Variants in LPCAT4 observed in about 807,000 individuals in gnomAD.
The protein encoded by LPCAT4 is lysophospholipid acyltransferase LPCAT4.
LPCAT4 carries 30 observed loss-of-function variants against 66.5 expected under a neutral mutation model. That is an observed-to-expected ratio of 0.45 (90% CI 0.34 to 0.61). LPCAT4 has a LOEUF of 0.61. LPCAT4 is among the 20% of genes least tolerant of loss of function. LPCAT4 has a pLI of 0.01. For synonymous variants in LPCAT4, 253 were observed against 262.1 expected (o/e 0.97, Z 0.34); for missense variants, 557 against 656.7 (o/e 0.85, Z 1.66).
Position 34,362,207 on chromosome 15 carries a change from A to G in LPCAT4, c.999T>C (p.Leu333=), listed in dbSNP as rs111446908. 46 of 1,612,994 alleles carry G rather than the reference A, an allele frequency of 2.9e-5. 1 individual carries two copies. In the African/African-American group the frequency reaches 4.4e-4, roughly 16 times the overall value. ...CCAAGACCACTTACCCAGCCTTCCG[A>G]AGCACTTTTCCCAGTTCCCAGAGCT... ...EPQLWELGKV[L]RKAGLSAGYV... Residue 333 remains leucine, a synonymous_variant, in exon 10 of 14, where the codon CTT becomes CTC. Coordinates refer to ENST00000314891, the MANE Select transcript of LPCAT4 (RefSeq NM_153613.3).
rs550078469 is a variant in LPCAT4, at chr15:34,363,427, A to C, written c.741T>G (p.Pro247=). 2 of 1,614,056 alleles carry C rather than the reference A, an allele frequency of 1.2e-6. No individual in the cohort carries two copies. The highest frequency in any genetic ancestry group is 1.3e-5 in the African/African-American group (1 of 75,022). The part of the protein sequence containing the change: ...LDTTSWAWRG[P]GVLKVLWLTA... The stretch of plus-strand genomic sequence containing the variant: ...CCAGGAATACCAGAACTCACACTCC[A>C]GGACCCCTCCATGCCCAGCTGGTGG... Residue 247 remains proline (P), a synonymous_variant, in exon 7 of 14, where the codon CCT becomes CCG. Transcript: ENST00000314891. The surrounding 1 kb of genome is among the most constrained non-coding windows in gnomAD (Gnocchi z 4.3).
intron 3 of LPCAT4, 105 bp from the exon 4 acceptor site, chr15:34,364,411 C>CATT (rs1891021821): frequency 8.9e-6 from 5 of 558,840 alleles, no homozygotes; most frequent in East Asian, 3.1e-5. Context: ...TCTGTTATCT[C>CATT]TTTTTTTTTT....
intron 3 of LPCAT4, 176 bp downstream of exon 3, chr15:34,364,832 C>G (rs574212744): frequency 2.2e-4 from 133 of 607,608 alleles, no homozygotes; most frequent in Admixed American, 7.7e-4. Context: ...CCAACACCTT[C>G]TCTCTGTCCC....
At chr15:34,359,349 A>T in intron 13 of LPCAT4, 47 bp from the exon 14 acceptor site, 4 of 1,452,794 alleles carry the variant, frequency 2.8e-6, no homozygotes, top group Non-Finnish European at 3.6e-6. Context: ...TAAGAACGAG[A>T]AGAGAATCTC....
intron 1 of LPCAT4, among the ~76,000 whole-genome samples, chr15:34,366,480 A>T (rs1891079835): frequency 6.6e-6 from 1 of 151,726 alleles, no homozygotes; most frequent in South Asian, 2.1e-4. Context: ...CCCCACCGGG[A>T]GGTGCTGCAG....
intron 1 of LPCAT4, among the ~76,000 whole-genome samples, chr15:34,366,415 T>C (rs575296608): frequency 6.6e-6 from 1 of 152,098 alleles, no homozygotes; most frequent in Admixed American, 6.5e-5. Context: ...CCAGCTCCCC[T>C]AGGCTGGCGC....
Position 34,367,080 on chromosome 15 carries a change from C to A in LPCAT4, c.21G>T (p.Gly7=), listed in dbSNP as rs1397720849. The A allele has an allele frequency of 1.3e-6, 2 of 1,551,712 alleles. No individual in the cohort carries two copies. The highest frequency in any genetic ancestry group is 1.7e-6 in the Non-Finnish European group (2 of 1,147,884). The change falls in exon 1 of 14, where the codon GGG becomes GGT. Residue 7 remains glycine, a synonymous_variant. Transcript: ENST00000314891. MSQGSP[G]DWAPLDPTPG... ...GGGTGGGATCTAGGGGGGCCCAGTC[C>A]CCCGGACTTCCCTGGCTCATGGCGG...
At position 34,359,016 on chromosome 15, in the gene LPCAT4, A is replaced by C. The variant is rs1890876167; in HGVS notation, c.*111T>G. On this transcript the variant is annotated 3_prime_UTR_variant, in exon 14 of 14. Transcript: ENST00000314891. ...AAAAAATTAAAATCAACTTAAAAAA[A>C]CAACAACCAAACAACAATAACAAAA... is the stretch of plus-strand genomic sequence containing the variant. 1.9e-5 allele frequency: 17 copies of C among 888,952 alleles called. No homozygotes were observed. The highest frequency in any genetic ancestry group is 9.7e-5 in the East Asian group (3 of 31,062). The allele number at this position is 888,952 out of a possible 1,614,324, so 55.1% of individuals were successfully genotyped here.
At position 34,361,250 on chromosome 15, in the gene LPCAT4, C is replaced by T. The variant is rs1456135422; in HGVS notation, c.1143+150G>A. 1.2e-5 allele frequency: 18 copies of T among 1,499,112 alleles called. No homozygotes were observed. The East Asian group carries it at 4.1e-4, about 34-fold the overall frequency. 92.9% of individuals were successfully genotyped at this position (1,499,112 alleles called of 1,614,324 possible). A position where few individuals can be genotyped will look rare whatever the true frequency, so the allele number is the denominator to read the frequency against. On this transcript the variant is annotated intron_variant, in intron 11 of 13. Transcript: ENST00000314891. ...GATGCCTGATTAAAAAATGAATCTT[C>T]AGTGGATCTCAGGGGATGGCCATCT...
At chr15:34,362,862 C>G (rs1890980655) in intron 7 of LPCAT4, 26 bp from the exon 8 acceptor site, 10 of 1,611,422 alleles carry the variant, frequency 6.2e-6, no homozygotes, top group Non-Finnish European at 8.5e-6. Context: ...TTTCGATACT[C>G]ACCAATCTCT....
Position 34,362,552 on chromosome 15 carries a change from AAT to A in LPCAT4, c.884+19_884+20del. On this transcript the variant is annotated intron_variant, in intron 9 of 13. Transcript: ENST00000314891. Reference sequence around the variant, plus strand: ...TTTGCCCTGTGCAACTGCTCCAGGAAATAGTTTGTGGGGCACTCACTGTGCCA... The same window carrying A: ...TTTGCCCTGTGCAACTGCTCCAGGAAAGTTTGTGGGGCACTCACTGTGCCA... The A allele has an allele frequency of 6.5e-7, 1 of 1,533,322 alleles. No individual in the cohort carries two copies. Among genetic ancestry groups the A allele is most frequent in the Non-Finnish European group, 8.8e-7 (1 of 1,139,894 alleles). 95.0% of individuals were successfully genotyped at this position (1,533,322 alleles called of 1,614,324 possible).
Position 34,359,301 on chromosome 15 carries a change from A to T in LPCAT4, c.1401T>A (p.Cys467Ter). 3 of 1,503,026 alleles carry T rather than the reference A, an allele frequency of 2.0e-6. No homozygotes were observed. The highest frequency in any genetic ancestry group is 2.7e-6 in the Non-Finnish European group (3 of 1,127,232). 93.1% of individuals were successfully genotyped at this position (1,503,026 alleles called of 1,614,324 possible). Residue 467 changes from cysteine to a stop codon, truncating the protein, a stop_gained and splice_region_variant, in exon 14 of 14, where the codon TGT (cysteine) becomes TGA (stop). Coordinates refer to ENST00000314891, the MANE Select transcript of LPCAT4 (RefSeq NM_153613.3). LOFTEE classifies it high-confidence loss of function. ...QAGSSQGLSL[C>*]QFQNFSLHDP... The stretch of plus-strand genomic sequence containing the variant: ...CATGGAGGGAGAAGTTCTGGAACTG[A>T]CCTGGACAAATAAGAGATGGGGAAA...
In LPCAT4 at chr15:34,359,271, T is replaced by G; in HGVS notation, c.1431A>C (p.Pro477=). Residue 477 remains proline, a synonymous_variant, in exon 14 of 14, where the codon CCA becomes CCC. Transcript: ENST00000314891. Reference sequence around the variant, plus strand: ...AGGTGCTGAAGAGTTTCCCATAGAGTGGGTCATGGAGGGAGAAGTTCTGGA... The same window carrying G: ...AGGTGCTGAAGAGTTTCCCATAGAGGGGGTCATGGAGGGAGAAGTTCTGGA... ...CQFQNFSLHD[P]LYGKLFSTYL... The G allele has an allele frequency of 6.5e-7, 1 of 1,549,292 alleles. No homozygotes were observed. The highest frequency in any genetic ancestry group is 8.7e-7 in the Non-Finnish European group (1 of 1,146,302).
chr15:34,365,357 T>C, intron 2 of LPCAT4, 129 bp from the exon 3 acceptor site: 2 of 1,187,328 alleles, frequency 1.7e-6, no homozygotes, highest in African/African-American at 1.5e-5. Context: ...GGGGCCAAGG[T>C]CTCTGGCCAC....
rs913245991 is a variant in LPCAT4 at position 34,365,758 on chromosome 15, A to G, written c.115-57T>C. 9 of 1,586,016 alleles carry G rather than the reference A, an allele frequency of 5.7e-6. No individual in the cohort carries two copies. The African/African-American group carries it at 8.1e-5, about 14-fold the overall frequency. On this transcript the variant is annotated intron_variant, in intron 1 of 13. Coordinates refer to ENST00000314891, the MANE Select transcript of LPCAT4 (RefSeq NM_153613.3). ...AGCTTGGATATGCTCCCTCCACAGC[A>G]TCCTTCTTCCACAAAGCATAGACCC...
In LPCAT4 at chr15:34,365,180, G is replaced by C; in HGVS notation, c.306C>G (p.Phe102Leu). ...CGCGAATCCGGAGGAAGCCCAGCAGGAAAAACAGCAGGCGGCTCAGGCCTA... is the reference window on the plus strand; with the variant it reads ...CGCGAATCCGGAGGAAGCCCAGCAGCAAAAACAGCAGGCGGCTCAGGCCTA... ...GVLGLSRLLF[F>L]LLGFLRIRVR... The change falls in exon 3 of 14, where the codon TTC (phenylalanine) becomes TTG (leucine). Residue 102 changes from phenylalanine (F) to leucine (L), a missense_variant. By Grantham distance (22) the Phe-to-Leu change is conservative (BLOSUM62 0). This residue lies in a region of LPCAT4 where 65 missense variants were observed against 83.5 expected (regional missense o/e 0.78). Coordinates refer to ENST00000314891, the MANE Select transcript of LPCAT4 (RefSeq NM_153613.3). 6.2e-7 allele frequency: 1 copy of C among 1,613,984 alleles called. No homozygotes were observed. Among genetic ancestry groups the C allele is most frequent in the Non-Finnish European group, 8.5e-7 (1 of 1,179,940 alleles).
At chr15:34,360,438 T>A (rs568836092) in intron 11 of LPCAT4, among the ~76,000 whole-genome samples, 1 of 152,298 alleles carries the variant, frequency 6.6e-6, no homozygotes, top group Non-Finnish European at 1.5e-5. Flanking sequence ...CATAAAGGGA[T>A]CTCCTAGGAA....
In LPCAT4 at chr15:34,361,433, C is replaced by G; in HGVS notation, c.1110G>C (p.Gln370His). Residue 370 changes from glutamine to histidine, a missense_variant, in exon 11 of 14, where the codon CAG becomes CAC. Coordinates refer to ENST00000314891, the MANE Select transcript of LPCAT4 (RefSeq NM_153613.3). ...FARQLQLSDP[Q>H]TVAGAFGYFQ... ...AGTAGCCAAAGGCACCAGCCACCGTCTGAGGATCAGAGAGCTGTAGCTGCC... is the reference window on the plus strand; with the variant it reads ...AGTAGCCAAAGGCACCAGCCACCGTGTGAGGATCAGAGAGCTGTAGCTGCC... 1 of 1,614,220 alleles carries G rather than the reference C, an allele frequency of 6.2e-7. No individual in the cohort carries two copies. The highest frequency in any genetic ancestry group is 1.1e-5 in the South Asian group (1 of 91,092).
chr15:34,361,270 C>T lies in LPCAT4; in HGVS notation c.1143+130G>A, dbSNP rs892994916. 9 of 1,504,588 alleles carry T rather than the reference C, an allele frequency of 6.0e-6. No individual in the cohort carries two copies. The Admixed American group carries it at 6.4e-5, about 11-fold the overall frequency. The allele number at this position is 1,504,588 out of a possible 1,614,324, so 93.2% of individuals were successfully genotyped here. On this transcript the variant is annotated intron_variant, in intron 11 of 13. Transcript: ENST00000314891. ...ATCTTCAGTGGATCTCAGGGGATGG[C>T]CATCTAACAACAGCTGTGAGAACAT...
Sources: gnomAD v4.1 joint callset for allele counts (sites outside exome capture counted in the v4.1 genomes callset) on GRCh38, gnomAD v4.1.1 for gene constraint, gnomAD v4.1.1 regional missense constraint, Gnocchi (gnomAD v3.1) non-coding constraint, MANE v1.5 for transcripts, NCBI Gene and HGNC (gene_info 2026-07-23, HGNC 2026-07-21) for gene names.